Variants in CASP6 observed in about 807,000 individuals in gnomAD.
CASP6 encodes caspase-6.
CASP6 carries 20 observed loss-of-function variants against 31.8 expected under a neutral mutation model. The ratio of observed to expected loss-of-function variants is 0.63; its 90% confidence interval spans 0.44 to 0.91. The LOEUF (loss-of-function observed/expected upper bound fraction) is 0.91, where lower values mean the gene tolerates loss of function less well. CASP6 is among the 40% of genes least tolerant of loss of function. CASP6 has a pLI of 0.00. For missense variants in CASP6, 328 were observed against 361.1 expected, an observed-to-expected ratio of 0.91 and a Z score of 0.74; for synonymous variants, 130 against 127.8, an observed-to-expected ratio of 1.02 and a Z score of -0.12.
chr4:109,691,029 A>C lies in CASP6; in HGVS notation c.484-20T>G, dbSNP rs748154851. 6.3e-7 allele frequency: 1 copy of C among 1,598,870 alleles called. No homozygotes were observed. The highest frequency in any genetic ancestry group is 8.5e-7 in the Non-Finnish European group (1 of 1,172,498). Reference sequence around the variant, plus strand: ...ACATGCCTACAAGACAAGGAGGAAAAACCCACCTCTTTGCCTACTGTTTCC... The same window carrying C: ...ACATGCCTACAAGACAAGGAGGAAACACCCACCTCTTTGCCTACTGTTTCC... On this transcript the variant is annotated intron_variant, in intron 5 of 6. Coordinates refer to ENST00000265164, the MANE Select transcript of CASP6 (RefSeq NM_001226.4).
At chr4:109,684,450 C>G, downstream of CASP6, 1 of 1,608,246 alleles carries the variant, frequency 6.2e-7, no homozygotes, top group Non-Finnish European at 8.5e-7. Flanking sequence ...CAGGTGAAAG[C>G]TGGAATAGAA....
chr4:109,685,381 A>G (rs993868668), downstream of CASP6: 1 of 1,097,100 alleles, frequency 9.1e-7, no homozygotes, highest in Non-Finnish European at 1.4e-6. Flanking sequence ...TACTACAAAT[A>G]CATCTTATAG....
intron 2 of CASP6, among the ~76,000 whole-genome samples, 191 bp downstream of exon 2, chr4:109,698,109 C>G (rs957208194): frequency 2.0e-5 from 3 of 152,174 alleles, no homozygotes; most frequent in Non-Finnish European, 2.9e-5. Context: ...GCATTCTGAA[C>G]ATCACTCCGG....
intron 3 of CASP6, 64 bp from the exon 4 acceptor site, chr4:109,696,550 T>G: frequency 1.8e-6 from 2 of 1,084,284 alleles, no homozygotes; most frequent in East Asian, 2.4e-5. Flanking sequence ...TACCCTTACT[T>G]TGGAAGAATC....
At chr4:109,701,656 C>T (rs1479577771) in intron 1 of CASP6, among the ~76,000 whole-genome samples, 3 of 152,222 alleles carry the variant, frequency 2.0e-5, no homozygotes. Flanking sequence ...CTTAAATCAG[C>T]TTAGGTTTTA....
chr4:109,695,269 T>C (rs910468245), intron 4 of CASP6, among the ~76,000 whole-genome samples: 2 of 152,172 alleles, frequency 1.3e-5, no homozygotes, highest in Non-Finnish European at 2.9e-5. Context: ...CAAATTTCAT[T>C]AGCCTTTCTA....
chr4:109,703,454 G>A, upstream of CASP6: 1 of 1,583,330 alleles, frequency 6.3e-7, no homozygotes, highest in Non-Finnish European at 8.6e-7. Context: ...ACAGGCTCCC[G>A]GGCCCGGCCC....
At chr4:109,705,995 A>T (rs866506944), upstream of CASP6, among the ~76,000 whole-genome samples, 169 of 57,352 alleles carry the variant, frequency 2.9e-3, 1 homozygote, top group African/African-American at 8.9e-3. Context: ...AAAAAAAAAA[A>T]AAAAAAATAT....
chr4:109,697,967 G>A (rs1730303369), intron 2 of CASP6, among the ~76,000 whole-genome samples, 199 bp from the exon 3 acceptor site: 1 of 152,148 alleles, frequency 6.6e-6, no homozygotes, highest in African/African-American at 2.4e-5. Context: ...GAGCAGCCAT[G>A]TGCCATCCTG....
the CASP6 span, among the ~76,000 whole-genome samples, chr4:109,668,940 C>T: frequency 1.3e-5 from 2 of 152,008 alleles, no homozygotes; most frequent in African/African-American, 4.8e-5. Flanking sequence ...CTGATTTCTC[C>T]CTCATGCCCC....
At chr4:109,692,905 G>A (rs1465824573) in intron 5 of CASP6, among the ~76,000 whole-genome samples, 1 of 152,202 alleles carries the variant, frequency 6.6e-6, no homozygotes, top group Non-Finnish European at 1.5e-5. Context: ...TTTCATGTTT[G>A]ATACGGTTTG....
At chr4:109,703,055 G>T (rs927537932) in intron 1 of CASP6, among the ~76,000 whole-genome samples, 1 of 152,166 alleles carries the variant, frequency 6.6e-6, no homozygotes, top group African/African-American at 2.4e-5. Context: ...CGCCCCGAAA[G>T]CGCTCATCGC....
At chr4:109,706,178 CACAT>C (rs1730615997), upstream of CASP6, among the ~76,000 whole-genome samples, 3 of 97,668 alleles carry the variant, frequency 3.1e-5, no homozygotes, top group Admixed American at 1.1e-4. Context: ...TATACACACA[CACAT>C]ATACACACAC....
the CASP6 span, among the ~76,000 whole-genome samples, chr4:109,677,001 A>T: frequency 4.6e-5 from 7 of 152,190 alleles, no homozygotes; most frequent in Admixed American, 1.3e-4. Flanking sequence ...CAGGCATGAA[A>T]CCTCAACCCA....
chr4:109,687,365 A>G (rs1428110624), downstream of CASP6: 6 of 549,102 alleles, frequency 1.1e-5, no homozygotes, highest in Admixed American at 3.6e-5. Flanking sequence ...TCTCAAGAAA[A>G]ATATATATAT....
chr4:109,700,324 G>A (rs1730380494), intron 1 of CASP6, among the ~76,000 whole-genome samples: 1 of 152,208 alleles, frequency 6.6e-6, no homozygotes, highest in African/African-American at 2.4e-5. Context: ...GTTTAGGAAT[G>A]GCTAACTAGT....
At chr4:109,706,804 A>G (rs1471150601), upstream of CASP6, among the ~76,000 whole-genome samples, 1 of 152,218 alleles carries the variant, frequency 6.6e-6, no homozygotes, top group East Asian at 1.9e-4. Flanking sequence ...GCTACTCAGG[A>G]GGCTGAGGCA....
rs1730489352 is a variant in CASP6 at position 109,703,353 on chromosome 4, T to C, written c.40+3A>G. ...CGGTGCCCAGTCGACGCCCCCTGCC[T>C]ACCTGCCGGGTGCCCCCTGCGGAGC... On this transcript the variant is annotated splice_donor_region_variant and intron_variant, in intron 1 of 6. Transcript: ENST00000265164. 1.2e-6 allele frequency: 2 copies of C among 1,609,366 alleles called. No individual in the cohort carries two copies. The highest frequency in any genetic ancestry group is 8.5e-7 in the Non-Finnish European group (1 of 1,178,264).
At chr4:109,667,176 T>A in the CASP6 span, among the ~76,000 whole-genome samples, 8 of 152,290 alleles carry the variant, frequency 5.3e-5, no homozygotes, top group South Asian at 1.2e-3. Context: ...AGTTTCTTCC[T>A]TTGATGTTTG....
Sources: gnomAD v4.1 joint callset for allele counts (sites outside exome capture counted in the v4.1 genomes callset) on GRCh38, gnomAD v4.1.1 for gene constraint, MANE v1.5 for transcripts, NCBI Gene and HGNC (gene_info 2026-07-23, HGNC 2026-07-21) for gene names.